Variants in SLC14A2 observed in about 807,000 individuals in gnomAD.
SLC14A2 encodes urea transporter 2.
In SLC14A2, 91 loss-of-function variants were observed where a neutral mutation model predicts 104.6. The ratio of observed to expected loss-of-function variants is 0.87; its 90% CI spans 0.73 to 1.04. SLC14A2 has a LOEUF of 1.04. Among genes scored for constraint, SLC14A2 ranks in the 50% least tolerant of loss-of-function variants. The pLI is 0.00. For missense variants in SLC14A2, 1,189 were observed against 1,156.0 expected (o/e 1.03, Z -0.41); for synonymous variants, 476 against 466.4 (o/e 1.02, Z -0.27).
intron 1 of SLC14A2, among the ~76,000 whole-genome samples, chr18:45,346,343 G>A (rs1445212834): frequency 1.3e-5 from 2 of 152,150 alleles, no homozygotes; most frequent in Admixed American, 1.3e-4. Flanking sequence ...TTTTAGTAGA[G>A]ACAGGGTTTT....
intron 1 of SLC14A2, among the ~76,000 whole-genome samples, chr18:45,252,713 A>G (rs1169262644): frequency 2.6e-5 from 4 of 151,978 alleles, no homozygotes; most frequent in African/African-American, 9.7e-5. Context: ...TACAAACTCA[A>G]TTTGAGAGAC....
At chr18:45,486,275 A>G (rs903222054) in intron 2 of SLC14A2, among the ~76,000 whole-genome samples, 27 of 151,970 alleles carry the variant, frequency 1.8e-4, no homozygotes, top group Admixed American at 3.3e-4. Context: ...TTTTCCTTTC[A>G]CAACAGCTGT....
intron 2 of SLC14A2, among the ~76,000 whole-genome samples, chr18:45,511,346 TA>T (rs2043363400): frequency 6.6e-6 from 1 of 152,168 alleles, no homozygotes; most frequent in South Asian, 2.1e-4. Context: ...AGAATTTATA[TA>T]GTAGCTTAAA....
chr18:45,216,026 G>T (rs990560354), intron 1 of SLC14A2, among the ~76,000 whole-genome samples: 2 of 152,124 alleles, frequency 1.3e-5, no homozygotes, highest in Non-Finnish European at 2.9e-5. Flanking sequence ...TGCTTGTTGT[G>T]TCAAACATGT....
intron 1 of SLC14A2, among the ~76,000 whole-genome samples, chr18:45,621,305 G>T (rs1168681380): frequency 1.3e-5 from 2 of 152,174 alleles, no homozygotes; most frequent in Admixed American, 1.3e-4. Flanking sequence ...ACAAGGAAAG[G>T]CCTCCATTCC....
At chr18:45,208,806 A>G (rs2083936386), upstream of SLC14A2, among the ~76,000 whole-genome samples, 1 of 152,188 alleles carries the variant, frequency 6.6e-6, no homozygotes, top group African/African-American at 2.4e-5. Context: ...AATCAATCAG[A>G]TAGAAAAAGT....
At chr18:45,291,217 G>A (rs957428373) in intron 1 of SLC14A2, among the ~76,000 whole-genome samples, 1 of 152,072 alleles carries the variant, frequency 6.6e-6, no homozygotes, top group Admixed American at 6.5e-5. Flanking sequence ...TTTTCTCACA[G>A]TATAGGATAC....
At chr18:45,257,001 A>G (rs1172826748) in intron 1 of SLC14A2, among the ~76,000 whole-genome samples, 6 of 152,246 alleles carry the variant, frequency 3.9e-5, no homozygotes, top group Non-Finnish European at 8.8e-5. Flanking sequence ...GTATGCTCTA[A>G]TGTGGATAAA....
chr18:45,426,349 C>T (rs1480767586), intron 1 of SLC14A2, among the ~76,000 whole-genome samples: 1 of 151,940 alleles, frequency 6.6e-6, no homozygotes, highest in African/African-American at 2.4e-5. Flanking sequence ...AGTGCGTAAT[C>T]GTGATTTTTC....
intron 1 of SLC14A2, among the ~76,000 whole-genome samples, chr18:45,439,211 T>A (rs897488709): frequency 1.6e-4 from 24 of 152,170 alleles, no homozygotes; most frequent in Non-Finnish European, 3.4e-4. Flanking sequence ...CCCAGAAGTT[T>A]GAGGTTACAG....
intron 1 of SLC14A2, among the ~76,000 whole-genome samples, chr18:45,441,648 A>T (rs1428858961): frequency 2.6e-5 from 4 of 152,318 alleles, no homozygotes; most frequent in African/African-American, 9.6e-5. Context: ...TGTGTTTGTG[A>T]CATCTACATG....
chr18:45,509,068 T>G (rs572453476), intron 2 of SLC14A2, among the ~76,000 whole-genome samples: 1 of 152,296 alleles, frequency 6.6e-6, no homozygotes. Context: ...TGGAGCCTCC[T>G]GTATAGCCAG....
chr18:45,674,762 AGTT>A (rs2046199677), intron 18 of SLC14A2, among the ~76,000 whole-genome samples: 2 of 152,178 alleles, frequency 1.3e-5, no homozygotes, highest in South Asian at 4.1e-4. Flanking sequence ...AACGAGGAAA[AGTT>A]GTGTCAAAGA....
intron 1 of SLC14A2, among the ~76,000 whole-genome samples, chr18:45,233,571 CTG>C (rs1166990151): frequency 6.6e-6 from 1 of 152,188 alleles, no homozygotes; most frequent in African/African-American, 2.4e-5. Context: ...AAAGTAATCT[CTG>C]TGGCTCTGAA....
chr18:45,198,846 T>G, the SLC14A2 span, among the ~76,000 whole-genome samples: 1 of 149,866 alleles, frequency 6.7e-6, no homozygotes. Flanking sequence ...TTCCAACATG[T>G]TTTAAAGATA....
chr18:45,574,080 A>G (rs1469146042), intron 2 of SLC14A2, among the ~76,000 whole-genome samples: 1 of 152,226 alleles, frequency 6.6e-6, no homozygotes, highest in Non-Finnish European at 1.5e-5. Flanking sequence ...ATCTTTTTAA[A>G]TGGGTAGGAT....
upstream of SLC14A2, among the ~76,000 whole-genome samples, chr18:45,211,993 C>A (rs2083965546): frequency 6.6e-6 from 1 of 152,076 alleles, no homozygotes; most frequent in Non-Finnish European, 1.5e-5. Flanking sequence ...TTTGATATAT[C>A]TACTTTAAAA....
intron 1 of SLC14A2, among the ~76,000 whole-genome samples, chr18:45,339,002 T>A (rs1020271497): frequency 2.0e-5 from 3 of 152,034 alleles, no homozygotes; most frequent in Admixed American, 2.0e-4. Flanking sequence ...AGTGGTGTGA[T>A]CTTTGCTCAC....
At chr18:45,249,443 T>G (rs1405457415) in intron 1 of SLC14A2, among the ~76,000 whole-genome samples, 4 of 152,084 alleles carry the variant, frequency 2.6e-5, no homozygotes, top group Non-Finnish European at 5.9e-5. Context: ...TTCTCAAAAA[T>G]TCTTGAAACA....
Sources: allele counts gnomAD v4.1 joint callset (sites outside exome capture counted in the v4.1 genomes callset), GRCh38; gene constraint gnomAD v4.1.1; transcripts MANE v1.5; gene names NCBI Gene and HGNC (gene_info 2026-07-23, HGNC 2026-07-21).